EVA1C: variants seen among roughly 807,000 people sequenced by gnomAD.
EVA1C encodes the protein protein eva-1 homolog C.
Under a neutral mutation model 45.4 loss-of-function variants are expected in EVA1C, and 25 were observed. The observed-to-expected ratio is 0.55, with a 90% CI of 0.40 to 0.77. The LOEUF is 0.77. Ranked by LOEUF, EVA1C falls within the 30% of genes least tolerant of loss-of-function variation. The pLI, the probability that EVA1C is intolerant of heterozygous loss-of-function variation, is 0.00. For synonymous variants in EVA1C, 190 were observed against 221.2 expected (o/e 0.86, Z 1.25); for missense variants, 479 against 554.8 (o/e 0.86, Z 1.37).
At chr21:32,492,995 G>C (rs1277665813) in intron 4 of EVA1C, among the ~76,000 whole-genome samples, 1 of 152,148 alleles carries the variant, frequency 6.6e-6, no homozygotes, top group Non-Finnish European at 1.5e-5. Context: ...GCACAAGTGT[G>C]TGTATTACAA....
At position 32,468,541 on chromosome 21, in the gene EVA1C, G is replaced by A. The variant is rs182475621; in HGVS notation, c.634+693G>A. Among the ~76,000 whole-genome samples the A allele has an allele frequency of 4.7e-3, 707 of 151,610 alleles. 2 individuals are homozygous for A. Among genetic ancestry groups the A allele is most frequent in the South Asian group, 0.011 (51 of 4,798 alleles). On this transcript the variant is annotated intron_variant, in intron 4 of 7. Coordinates refer to ENST00000300255, the MANE Select transcript of EVA1C (RefSeq NM_058187.5). ...GAGTTTATTAAGTATTAATTTACAC[G>A]ATCACAGGTCCCACTATAGACTGTC... is the stretch of plus-strand genomic sequence containing the variant.
At chr21:32,455,871 G>A (rs1460040821) in intron 2 of EVA1C, among the ~76,000 whole-genome samples, 2 of 152,084 alleles carry the variant, frequency 1.3e-5, no homozygotes, top group Non-Finnish European at 2.9e-5. Flanking sequence ...CAGAGGTCAA[G>A]AAGTCCTTTA....
At chr21:32,421,225 A>G (rs1019749818) in intron 1 of EVA1C, among the ~76,000 whole-genome samples, 2 of 152,170 alleles carry the variant, frequency 1.3e-5, no homozygotes, top group African/African-American at 4.8e-5. Context: ...TGCTAACCCT[A>G]TGGCTACGTT....
rs186891050 is a variant in EVA1C, at chr21:32,426,730, G to A, written c.160+13717G>A. On this transcript the variant is annotated intron_variant, in intron 1 of 7. Coordinates refer to ENST00000300255, the MANE Select transcript of EVA1C (RefSeq NM_058187.5). ...ATGGTAACTACCATCCCTGCCCAGA[G>A]GCCTCAAGACTGCAGAGCAGCTTCC... Among the ~76,000 whole-genome samples the A allele has an allele frequency of 7.2e-5, 11 of 152,240 alleles. No individual in the cohort carries two copies. In the East Asian group the frequency reaches 2.1e-3, roughly 29 times the overall value.
intron 4 of EVA1C, 44 bp from the exon 5 acceptor site, chr21:32,494,983 G>A (rs745946112): frequency 1.9e-6 from 3 of 1,604,990 alleles, no homozygotes; most frequent in Non-Finnish European, 1.7e-6. Flanking sequence ...TGGTGGCCCT[G>A]TGTGGGATGC....
chr21:32,480,510 C>T (rs1269276247), intron 4 of EVA1C, among the ~76,000 whole-genome samples: 4 of 152,056 alleles, frequency 2.6e-5, no homozygotes, highest in African/African-American at 9.7e-5. Flanking sequence ...GATGTGGTGG[C>T]ATGTCCCAGG....
At chr21:32,496,041 T>C (rs1258564984) in intron 5 of EVA1C, among the ~76,000 whole-genome samples, 1 of 152,176 alleles carries the variant, frequency 6.6e-6, no homozygotes, top group African/African-American at 2.4e-5. Flanking sequence ...AAATCAGTGG[T>C]TTTTAGTATA....
Position 32,412,976 on chromosome 21 carries a change from C to A in EVA1C, c.123C>A (p.Val41=). ...LLRLFYCTVL[V]CSKEISALTD... is the part of the protein sequence containing the mutation. ...GCCTCTTCTACTGCACTGTCCTGGT[C>A]TGCTCCAAAGAGATCTCAGCGCTCA... Residue 41 remains valine, a synonymous_variant, in exon 1 of 8, where the codon GTC becomes GTA. Transcript: ENST00000300255. 6.6e-7 allele frequency: 1 copy of A among 1,522,170 alleles called. No homozygotes were observed. The highest frequency in any genetic ancestry group is 8.8e-7 in the Non-Finnish European group (1 of 1,134,136). The allele number at this position is 1,522,170 out of a possible 1,614,324, so 94.3% of individuals were successfully genotyped here.
At chr21:32,446,401 G>A (rs1001992596) in intron 1 of EVA1C, among the ~76,000 whole-genome samples, 4 of 152,200 alleles carry the variant, frequency 2.6e-5, no homozygotes, top group Non-Finnish European at 5.9e-5. Flanking sequence ...GAGTTAGATT[G>A]TAAAAGCTCT....
rs574282082 is a variant in EVA1C at position 32,427,461 on chromosome 21, T to C, written c.160+14448T>C. Among the ~76,000 whole-genome samples the C allele has an allele frequency of 3.1e-4, 47 of 152,240 alleles. 1 individual carries two copies. The highest frequency in any genetic ancestry group is 2.4e-3 in the Admixed American group (37 of 15,284). On this transcript the variant is annotated intron_variant, in intron 1 of 7. Coordinates refer to ENST00000300255, the MANE Select transcript of EVA1C (RefSeq NM_058187.5). ...CGGGCGTGGTGGCTCATGCTTGTAA[T>C]CCCAGCACTTTGGGAGGCTGAGGCG...
chr21:32,500,276 C>T (rs577064531), intron 5 of EVA1C, among the ~76,000 whole-genome samples: 286 of 140,824 alleles, frequency 2.0e-3, no homozygotes, highest in Non-Finnish European at 3.2e-3. Context: ...CAGCTCAGTG[C>T]AACCTCTGCC....
chr21:32,451,524 TG>T (rs1404693771), intron 1 of EVA1C, among the ~76,000 whole-genome samples: 1 of 152,228 alleles, frequency 6.6e-6, no homozygotes, highest in East Asian at 1.9e-4. Flanking sequence ...GGAGTCTGAC[TG>T]GCTGCCTGTC....
intron 1 of EVA1C, among the ~76,000 whole-genome samples, chr21:32,445,163 G>A (rs531060962): frequency 1.3e-5 from 2 of 152,304 alleles, no homozygotes; most frequent in East Asian, 3.9e-4. Context: ...ATAGGAGGGT[G>A]AGTAGAGGAA....
intron 2 of EVA1C, among the ~76,000 whole-genome samples, chr21:32,455,327 CA>C (rs2035740003): frequency 6.6e-6 from 1 of 152,224 alleles, no homozygotes; most frequent in Admixed American, 6.5e-5. Context: ...AACAAACAAA[CA>C]AACAAAAACA....
At chr21:32,418,920 G>A (rs1367554525) in intron 1 of EVA1C, among the ~76,000 whole-genome samples, 2 of 151,572 alleles carry the variant, frequency 1.3e-5, no homozygotes, top group African/African-American at 4.9e-5. Context: ...TGGTCCAGTG[G>A]GGTAGGAAAA....
At chr21:32,420,805 T>C (rs2034239461) in intron 1 of EVA1C, among the ~76,000 whole-genome samples, 2 of 152,224 alleles carry the variant, frequency 1.3e-5, no homozygotes, top group South Asian at 2.1e-4. Context: ...GATGCTAGTA[T>C]AAAAAGTTCA....
At chr21:32,411,921 C>G (rs936617536), upstream of EVA1C, 2 of 152,332 alleles carry the variant, frequency 1.3e-5, no homozygotes, top group African/African-American at 4.8e-5. Flanking sequence ...GTGGGTCACC[C>G]CGCGCACAGT....
chr21:32,425,331 T>G (rs2034448952), intron 1 of EVA1C, among the ~76,000 whole-genome samples: 1 of 51,196 alleles, frequency 2.0e-5, no homozygotes, highest in African/African-American at 1.2e-4. Flanking sequence ...TAAGACTCCA[T>G]CTCAAAAAAA....
intron 1 of EVA1C, among the ~76,000 whole-genome samples, chr21:32,436,689 G>A (rs369255714): frequency 6.6e-6 from 1 of 152,288 alleles, no homozygotes; most frequent in Non-Finnish European, 1.5e-5. Flanking sequence ...GACATAGTAG[G>A]CTTCCCTTAT....
Sources: gnomAD v4.1 joint callset for allele counts (sites outside exome capture counted in the v4.1 genomes callset) on GRCh38, gnomAD v4.1.1 for gene constraint, MANE v1.5 for transcripts, NCBI Gene and HGNC (gene_info 2026-07-23, HGNC 2026-07-21) for gene names.